DGKH: variants seen among roughly 807,000 people sequenced by gnomAD.
DGKH encodes the protein DAG kinase eta.
In DGKH, 90 loss-of-function variants were observed where a neutral mutation model predicts 159.3. The ratio of observed to expected loss-of-function variants is 0.57; its 90% CI spans 0.48 to 0.67. The LOEUF (loss-of-function observed/expected upper bound fraction) is 0.67. Ranked by LOEUF, DGKH falls within the 30% of genes least tolerant of loss-of-function variation. The pLI is 0.00. For synonymous variants in DGKH, 536 were observed against 553.8 expected (o/e 0.97, Z 0.45); for missense variants, 1,181 against 1,506.1 (o/e 0.78, Z 3.57).
At chr13:42,205,722 G>T (rs1957450518) in intron 20 of DGKH, among the ~76,000 whole-genome samples, 1 of 152,032 alleles carries the variant, frequency 6.6e-6, no homozygotes, top group Non-Finnish European at 1.5e-5. Context: ...AGTACATAGA[G>T]GACCACAATG....
chr13:42,252,238 T>C (rs1328793991), intron 29 of DGKH, among the ~76,000 whole-genome samples: 1 of 152,274 alleles, frequency 6.6e-6, no homozygotes, highest in South Asian at 2.1e-4. Context: ...TGGCAATCTT[T>C]TCTTTGGGTA....
chr13:42,209,157 T>C, intron 22 of DGKH, 85 bp downstream of exon 22: 1 of 1,361,072 alleles, frequency 7.3e-7, no homozygotes, highest in Non-Finnish European at 1.0e-6. Context: ...GTACACTGGA[T>C]ATTCATCTAT....
At chr13:42,093,948 A>G (rs2137754598) in intron 1 of DGKH, among the ~76,000 whole-genome samples, 1 of 152,202 alleles carries the variant, frequency 6.6e-6, no homozygotes. Context: ...CTGTGAATGT[A>G]CTTAACAGCA....
intron 29 of DGKH, among the ~76,000 whole-genome samples, chr13:42,250,308 A>C (rs1042320407): frequency 6.6e-5 from 10 of 152,122 alleles, no homozygotes; most frequent in Non-Finnish European, 1.3e-4. Context: ...TTTATAATTA[A>C]CACGTAATTG....
intron 1 of DGKH, among the ~76,000 whole-genome samples, chr13:42,105,739 T>C (rs1361851306): frequency 6.6e-6 from 1 of 152,150 alleles, no homozygotes; most frequent in African/African-American, 2.4e-5. Flanking sequence ...AACAAACCTT[T>C]TATATGTAGG....
intron 1 of DGKH, among the ~76,000 whole-genome samples, chr13:42,094,710 A>G (rs1954488191): frequency 6.6e-6 from 1 of 152,222 alleles, no homozygotes; most frequent in African/African-American, 2.4e-5. Context: ...ATTTCTGCCA[A>G]AAGAGAGATT....
downstream of DGKH, among the ~76,000 whole-genome samples, chr13:42,244,670 C>T (rs908750719): frequency 5.9e-5 from 9 of 151,714 alleles, no homozygotes; most frequent in Admixed American, 3.9e-4. Context: ...TTTGGGAGGC[C>T]GAGGCGGGCG....
rs1566165885 is a variant in DGKH, at chr13:42,181,844, C to CCGGGGTGCAGGTCTCATTGG, written c.1538+3624_1538+3625insCGGGGTGCAGGTCTCATTGG. On this transcript the variant is annotated intron_variant, in intron 13 of 29. Coordinates refer to ENST00000337343, the MANE Select transcript of DGKH (RefSeq NM_178009.5). ...CTGGCAGCTGAGCTGCTGGTGCTGGCAGCTGAGCTGCTGGTGCTGGCAGCT... is the reference window on the plus strand; with the variant it reads ...CTGGCAGCTGAGCTGCTGGTGCTGGCCGGGGTGCAGGTCTCATTGGAGCTGAGCTGCTGGTGCTGGCAGCT... 5.1e-4 allele frequency: 79 copies of CCGGGGTGCAGGTCTCATTGG among 154,180 alleles called. 2 individuals carry two copies. Among genetic ancestry groups the CCGGGGTGCAGGTCTCATTGG allele is most frequent in the South Asian group, 1.5e-3 (21 of 14,242 alleles). The allele number at this position is 154,180 out of a possible 1,614,324, so 9.6% of individuals were successfully genotyped here. A position where few individuals can be genotyped will look rare whatever the true frequency, so the allele number is the denominator to read the frequency against.
chr13:42,199,776 A>C lies in DGKH; in HGVS notation c.2397-37A>C, dbSNP rs750536735. 1.1e-5 allele frequency: 18 copies of C among 1,583,518 alleles called. No homozygotes were observed. The East Asian group carries it at 4.0e-4, about 35-fold the overall frequency. On this transcript the variant is annotated intron_variant, in intron 19 of 29. Transcript: ENST00000337343. ...TCTGCCTTTAAGGAGTAAATAAATA[A>C]AATTTCCTGAAATTGCCTGCCAATA...
intron 3 of DGKH, 23 bp downstream of exon 3, chr13:42,129,655 C>G (rs373169294): frequency 4.4e-6 from 7 of 1,599,342 alleles, no homozygotes; most frequent in Non-Finnish European, 5.1e-6. Context: ...TCTGCTAACT[C>G]CCTTCTCAAA....
In DGKH at chr13:42,221,281, G is replaced by A; in HGVS notation, c.3460G>A (p.Glu1154Lys). Residue 1154 changes from glutamate to lysine, a missense_variant, in exon 29 of 30, where the codon GAG (glutamate) becomes AAG (lysine). By Grantham distance (56) the Glu-to-Lys change is moderately conservative. Around this residue, in one of 5 missense-constraint regions of DGKH, gnomAD observed 335 missense variants for 495.2 expected, o/e 0.68. Coordinates refer to ENST00000337343, the MANE Select transcript of DGKH (RefSeq NM_178009.5). ...TTTGGTAGTTCAGAAATGGGGCACAGAGGAAGTTGCTGCTTGGCTGGATCT... is the reference window on the plus strand; with the variant it reads ...TTTGGTAGTTCAGAAATGGGGCACAAAGGAAGTTGCTGCTTGGCTGGATCT... Reference protein sequence around the residue: ...SSQPVQKWGTEEVAAWLDLLN... With the variant: ...SSQPVQKWGTKEVAAWLDLLN... 1 of 1,613,694 alleles carries A rather than the reference G, an allele frequency of 6.2e-7. No individual in the cohort carries two copies. Among genetic ancestry groups the A allele is most frequent in the Admixed American group, 1.7e-5 (1 of 60,014 alleles).
At chr13:42,173,599 A>G (rs1414821143) in intron 11 of DGKH, among the ~76,000 whole-genome samples, 2 of 152,212 alleles carry the variant, frequency 1.3e-5, no homozygotes, top group Admixed American at 6.5e-5. Flanking sequence ...TATAGGTAGT[A>G]TGTATTTATT....
At chr13:42,158,040 T>C (rs1956086062) in intron 5 of DGKH, among the ~76,000 whole-genome samples, 1 of 152,244 alleles carries the variant, frequency 6.6e-6, no homozygotes, top group Non-Finnish European at 1.5e-5. Flanking sequence ...ATTACAGGCG[T>C]GAGCCACTGT....
chr13:42,199,276 G>A (rs970868608), intron 18 of DGKH, among the ~76,000 whole-genome samples: 4 of 152,162 alleles, frequency 2.6e-5, no homozygotes, highest in Non-Finnish European at 5.9e-5. Flanking sequence ...TTTTTTCTGT[G>A]TAGTGAGGAA....
chr13:42,179,596 A>G (rs1195124769), intron 13 of DGKH, among the ~76,000 whole-genome samples: 1 of 152,052 alleles, frequency 6.6e-6, no homozygotes, highest in Non-Finnish European at 1.5e-5. Context: ...CAATATGACA[A>G]AACCTCATCT....
At chr13:42,106,459 T>C (rs1365373850) in intron 1 of DGKH, among the ~76,000 whole-genome samples, 1 of 152,116 alleles carries the variant, frequency 6.6e-6, no homozygotes, top group Non-Finnish European at 1.5e-5. Flanking sequence ...GCATAGACAA[T>C]GAGAGTAACA....
chr13:42,183,325 C>T (rs1049526415), intron 13 of DGKH, among the ~76,000 whole-genome samples: 1 of 151,838 alleles, frequency 6.6e-6, no homozygotes, highest in African/African-American at 2.4e-5. Flanking sequence ...ATAATGGTTT[C>T]CCTTTAAAAA....
At chr13:42,212,602 C>T (rs1329922956) in intron 24 of DGKH, among the ~76,000 whole-genome samples, 1 of 152,176 alleles carries the variant, frequency 6.6e-6, no homozygotes, top group Non-Finnish European at 1.5e-5. Context: ...TTCTGGTCAA[C>T]GTAGTTTGGC....
chr13:42,255,878 G>A, intron 30 of DGKH: 2 of 1,217,786 alleles, frequency 1.6e-6, no homozygotes, highest in South Asian at 3.0e-5. Flanking sequence ...GATAGAGAAG[G>A]TTGCTGCAAA....
Sources: allele counts gnomAD v4.1 joint callset (sites outside exome capture counted in the v4.1 genomes callset), GRCh38; gene constraint gnomAD v4.1.1; regional missense constraint gnomAD v4.1.1; transcripts MANE v1.5; gene names NCBI Gene and HGNC (gene_info 2026-07-23, HGNC 2026-07-21).